Variants in PLXNA4 observed in about 807,000 individuals in gnomAD.
PLXNA4 encodes plexin A4.
PLXNA4 carries 44 observed loss-of-function variants against 191.8 expected under a neutral mutation model. The ratio of observed to expected loss-of-function variants is 0.23; its 90% CI spans 0.18 to 0.29. PLXNA4 has a LOEUF of 0.29. Ranked by LOEUF, PLXNA4 falls within the 10% of genes least tolerant of loss-of-function variation. The probability of loss-of-function intolerance (pLI) is 1.00; values close to 1 mark genes in which losing one functional copy is unlikely to be tolerated. For synonymous variants in PLXNA4, 1,082 were observed against 1,009.5 expected, an observed-to-expected ratio of 1.07 and a Z score of -1.36; for missense variants, 1,800 against 2,488.8, an observed-to-expected ratio of 0.72 and a Z score of 5.89.
chr7:132,645,441 A>T (rs1296229208), intron 2 of PLXNA4, among the ~76,000 whole-genome samples: 2 of 152,140 alleles, frequency 1.3e-5, no homozygotes, highest in African/African-American at 4.8e-5. Context: ...CCTTTCTGCC[A>T]TGATTGTAAG....
intron 2 of PLXNA4, among the ~76,000 whole-genome samples, chr7:132,624,022 T>C (rs924538500): frequency 6.6e-6 from 1 of 152,220 alleles, no homozygotes; most frequent in African/African-American, 2.4e-5. Context: ...CCACATAGCA[T>C]TTCACAGTTT....
intron 2 of PLXNA4, among the ~76,000 whole-genome samples, chr7:132,618,044 G>T (rs1290291369): frequency 6.6e-6 from 1 of 152,082 alleles, no homozygotes; most frequent in Non-Finnish European, 1.5e-5. Context: ...CATCTTATGG[G>T]TGCAAACCAG....
chr7:132,484,653 T>C, intron 3 of PLXNA4: 9 of 1,237,682 alleles, frequency 7.3e-6, no homozygotes, highest in Non-Finnish European at 9.8e-6. Context: ...GAACCCTGTA[T>C]CAAATACATA....
At chr7:132,298,534 C>T (rs1369132857) in intron 3 of PLXNA4, among the ~76,000 whole-genome samples, 2 of 152,230 alleles carry the variant, frequency 1.3e-5, no homozygotes, top group African/African-American at 2.4e-5. Context: ...AGATGAGGCT[C>T]TGAGGCTTGG....
intron 3 of PLXNA4, among the ~76,000 whole-genome samples, chr7:132,394,970 C>T (rs1793692886): frequency 6.6e-6 from 1 of 152,216 alleles, no homozygotes; most frequent in Non-Finnish European, 1.5e-5. Flanking sequence ...GATCCTGGGC[C>T]TCATCACATG....
chr7:132,161,312 C>T (rs1795942444), intron 24 of PLXNA4, among the ~76,000 whole-genome samples: 1 of 152,248 alleles, frequency 6.6e-6, no homozygotes, highest in Admixed American at 6.5e-5. Context: ...CTCCATGGTG[C>T]ACTTCAGGGC....
Position 132,187,506 on chromosome 7 carries a change from C to A in PLXNA4, c.2958G>T (p.Val986=). 6.2e-7 allele frequency: 1 copy of A among 1,614,060 alleles called. No individual in the cohort carries two copies. The highest frequency in any genetic ancestry group is 8.5e-7 in the Non-Finnish European group (1 of 1,179,960). ...GTNLNAGSNV[V]VMFGKQPCLF... ...GACAGGGCTGCTTTCCAAACATCACCACCACGTTGCTTCCGGCATTCAGGT... is the reference window on the plus strand; with the variant it reads ...GACAGGGCTGCTTTCCAAACATCACAACCACGTTGCTTCCGGCATTCAGGT... The change falls in exon 15 of 32, where the codon GTG becomes GTT. Residue 986 remains valine, a synonymous_variant. Coordinates refer to ENST00000321063, the MANE Select transcript of PLXNA4 (RefSeq NM_020911.2).
At chr7:132,377,865 C>T (rs1406070192) in intron 3 of PLXNA4, among the ~76,000 whole-genome samples, 2 of 152,152 alleles carry the variant, frequency 1.3e-5, no homozygotes, top group Non-Finnish European at 2.9e-5. Flanking sequence ...CTGTTTCTCA[C>T]AGCACAGCCT....
At chr7:132,170,093 G>A (rs923469629) in intron 21 of PLXNA4, among the ~76,000 whole-genome samples, 1 of 151,994 alleles carries the variant, frequency 6.6e-6, no homozygotes, top group Admixed American at 6.6e-5. Context: ...TTTCAGAGTC[G>A]GTCATGCTTG....
At chr7:132,212,829 C>T (rs1797846699) in intron 9 of PLXNA4, among the ~76,000 whole-genome samples, 1 of 152,138 alleles carries the variant, frequency 6.6e-6, no homozygotes, top group South Asian at 2.1e-4. Context: ...CCTCCCACAC[C>T]CCTACAGGCT....
At chr7:132,330,672 G>A (rs1219458747) in intron 3 of PLXNA4, among the ~76,000 whole-genome samples, 1 of 152,152 alleles carries the variant, frequency 6.6e-6, no homozygotes, top group African/African-American at 2.4e-5. Context: ...GAAATGACAT[G>A]GCTGGTCAAT....
intron 3 of PLXNA4, among the ~76,000 whole-genome samples, chr7:132,300,259 C>G (rs773678230): frequency 6.6e-6 from 1 of 151,990 alleles, no homozygotes; most frequent in Non-Finnish European, 1.5e-5. Context: ...TTCCTACCAC[C>G]AGTTACATGA....
At chr7:132,433,356 A>C (rs1795347082) in intron 3 of PLXNA4, among the ~76,000 whole-genome samples, 1 of 152,138 alleles carries the variant, frequency 6.6e-6, no homozygotes, top group African/African-American at 2.4e-5. Flanking sequence ...CTTCTACCCT[A>C]CATACCCAGC....
intron 4 of PLXNA4, among the ~76,000 whole-genome samples, chr7:132,273,342 G>GCACA (rs139465620): frequency 7.0e-6 from 1 of 143,082 alleles, no homozygotes; most frequent in Admixed American, 6.8e-5. Context: ...ACACACACAC[G>GCACA]CACACACACA....
chr7:132,379,874 A>C (rs1411642469), intron 3 of PLXNA4, among the ~76,000 whole-genome samples: 1 of 152,206 alleles, frequency 6.6e-6, no homozygotes, highest in African/African-American at 2.4e-5. Flanking sequence ...TCCAGATTTC[A>C]AGGCTTTTGC....
intron 2 of PLXNA4, among the ~76,000 whole-genome samples, chr7:132,643,970 T>G (rs1187800607): frequency 6.6e-6 from 1 of 152,074 alleles, no homozygotes; most frequent in Non-Finnish European, 1.5e-5. Context: ...GAATGGAAAT[T>G]TTCAAAAGTC....
chr7:132,502,502 C>T (rs183475949), intron 2 of PLXNA4, among the ~76,000 whole-genome samples: 86 of 152,286 alleles, frequency 5.6e-4, no homozygotes, highest in African/African-American at 2.0e-3. Flanking sequence ...GAGAGGTTTT[C>T]TAGTCTTGTA....
chr7:132,270,710 C>T (rs1438970876), intron 4 of PLXNA4, among the ~76,000 whole-genome samples: 4 of 152,240 alleles, frequency 2.6e-5, no homozygotes, highest in East Asian at 3.9e-4. Context: ...ATTTACAATG[C>T]GGAGGAGCTG....
chr7:132,465,688 G>T (rs1563115045), intron 3 of PLXNA4, among the ~76,000 whole-genome samples: 1 of 152,140 alleles, frequency 6.6e-6, no homozygotes, highest in Non-Finnish European at 1.5e-5. Flanking sequence ...GGATCATGGG[G>T]CCTGGGAATG....
Sources: allele counts gnomAD v4.1 joint callset (sites outside exome capture counted in the v4.1 genomes callset), GRCh38; gene constraint gnomAD v4.1.1; transcripts MANE v1.5; gene names NCBI Gene and HGNC (gene_info 2026-07-23, HGNC 2026-07-21).